The following TBC1D8 variants were observed in gnomAD, a reference collection of about 807,000 sequenced individuals.
TBC1D8 encodes TBC1 domain family member 8.
In TBC1D8, 65 loss-of-function variants were observed where a neutral mutation model predicts 118.8. The observed-to-expected ratio is 0.55, with a 90% CI of 0.45 to 0.67. The LOEUF (loss-of-function observed/expected upper bound fraction) is 0.67, where lower values mean the gene tolerates loss of function less well. TBC1D8 is among the 30% of genes least tolerant of loss of function. The pLI is 0.00. For missense variants in TBC1D8, 1,376 were observed against 1,471.2 expected (o/e 0.94, Z 1.06); for synonymous variants, 566 against 595.8 (o/e 0.95, Z 0.73).
chr2:101,039,428 G>A (rs1681240817), intron 6 of TBC1D8, among the ~76,000 whole-genome samples: 1 of 152,136 alleles, frequency 6.6e-6, no homozygotes, highest in East Asian at 1.9e-4. Context: ...GACCAGCCTG[G>A]GCAACACAGT....
chr2:101,032,589 G>A, intron 10 of TBC1D8: 1 of 517,820 alleles, frequency 1.9e-6, no homozygotes, highest in East Asian at 3.0e-5. Flanking sequence ...TGAGCGATCG[G>A]CCACCACTCA....
intron 2 of TBC1D8, among the ~76,000 whole-genome samples, chr2:101,088,161 T>G (rs1675759652): frequency 6.6e-6 from 1 of 152,196 alleles, no homozygotes; most frequent in Admixed American, 6.5e-5. Flanking sequence ...TCTAAATGTC[T>G]TAGAAAGTTA....
intron 15 of TBC1D8, among the ~76,000 whole-genome samples, chr2:101,027,111 C>T (rs932467833): frequency 6.6e-6 from 1 of 152,226 alleles, no homozygotes; most frequent in African/African-American, 2.4e-5. Flanking sequence ...GCCCTCCCAG[C>T]AGAGTGCAGC....
intron 2 of TBC1D8, among the ~76,000 whole-genome samples, chr2:101,081,524 A>C (rs548829265): frequency 6.6e-6 from 1 of 152,258 alleles, no homozygotes; most frequent in South Asian, 2.1e-4. Context: ...ACATCTGTAC[A>C]AAGGTTTGAC....
chr2:101,033,117 G>A (rs1338296178), intron 10 of TBC1D8, among the ~76,000 whole-genome samples: 4 of 124,500 alleles, frequency 3.2e-5, no homozygotes, highest in Admixed American at 8.9e-5. Context: ...TCAGGCACTC[G>A]GTAAATTTTT....
intron 1 of TBC1D8, among the ~76,000 whole-genome samples, chr2:101,149,049 A>C (rs1191959796): frequency 6.6e-6 from 1 of 152,182 alleles, no homozygotes; most frequent in Non-Finnish European, 1.5e-5. Context: ...GCTCAAAGGT[A>C]AAGTGTCTGG....
rs368538479 is a variant in TBC1D8, at chr2:101,033,583, C to T, written c.1779G>A (p.Thr593=). The T allele has an allele frequency of 1.2e-4, 198 of 1,613,682 alleles. 1 individual carries two copies. The highest frequency in any genetic ancestry group is 1.6e-4 in the Middle Eastern group (1 of 6,084). ...TGIAALRRVL[T]AYAHRNPKIG... is the part of the protein sequence containing the mutation. ...TCTTGGGGTTCCGGTGGGCATAGGC[C>T]GTCAAGACTCTCCTCAAAGCAGCAA... The change falls in exon 10 of 20, where the codon ACG becomes ACA. Residue 593 remains threonine, a synonymous_variant. Transcript: ENST00000409318.
chr2:101,054,325 G>A lies in TBC1D8; in HGVS notation c.414C>T (p.Ala138=), dbSNP rs557651761. The part of the protein sequence containing the change: ...FVKGKVKALI[A]EETSSRLAEQ... ...CGGCGAGCCTGCTGCTGGTCTCCTC[G>A]GCTATCAGAGCCTGACACACAGAGA... Residue 138 remains alanine (A), a synonymous_variant, in exon 4 of 20, where the codon GCC becomes GCT. Transcript: ENST00000409318. The A allele has an allele frequency of 5.0e-5, 78 of 1,561,380 alleles. No homozygotes were observed. The South Asian group carries it at 7.2e-4, about 14-fold the overall frequency.
chr2:101,073,287 T>C (rs1320091855), intron 2 of TBC1D8, among the ~76,000 whole-genome samples: 2 of 144,526 alleles, frequency 1.4e-5, no homozygotes, highest in Non-Finnish European at 3.0e-5. Flanking sequence ...TTTTATTTTA[T>C]TTTATTTTAT....
chr2:101,102,054 A>C (rs1244572584), intron 1 of TBC1D8, among the ~76,000 whole-genome samples: 2 of 79,980 alleles, frequency 2.5e-5, no homozygotes, highest in African/African-American at 4.9e-5. Flanking sequence ...AGTGGAGAGG[A>C]GGGGAGGGAA....
intron 1 of TBC1D8, among the ~76,000 whole-genome samples, chr2:101,118,345 C>G (rs1397694635): frequency 6.6e-6 from 1 of 152,166 alleles, no homozygotes; most frequent in African/African-American, 2.4e-5. Context: ...TGGAAAAGAG[C>G]AAGTCCAATT....
chr2:101,149,777 A>G (rs563606466), intron 1 of TBC1D8, among the ~76,000 whole-genome samples: 8 of 152,178 alleles, frequency 5.3e-5, no homozygotes, highest in African/African-American at 1.7e-4. Context: ...ACGGGGCCCA[A>G]CAAGGCCACT....
Position 101,150,391 on chromosome 2 carries a change from AC to A in TBC1D8, c.127+735del, listed in dbSNP as rs529028926. ...AAAAAGTCTAATTGTTCCTTCACTG[AC>A]CTTTAAACAGGTGTCCTAGCTACTG... is the stretch of plus-strand genomic sequence containing the variant. On this transcript the variant is annotated intron_variant, in intron 1 of 19. Transcript: ENST00000409318. Among the ~76,000 whole-genome samples the A allele has an allele frequency of 8.6e-4, 131 of 152,270 alleles. 1 individual carries two copies. The highest frequency in any genetic ancestry group is 3.1e-3 in the African/African-American group (128 of 41,540).
intron 1 of TBC1D8, among the ~76,000 whole-genome samples, chr2:101,105,592 T>TAAAAAAAAA (rs55649821): frequency 8.0e-6 from 1 of 124,688 alleles, no homozygotes; most frequent in Non-Finnish European, 1.7e-5. Flanking sequence ...TGTCTCAAAT[T>TAAAAAAAAA]AAAAAAAAAA....
At chr2:101,098,926 A>ATAGAAAG (rs1402795372) in intron 1 of TBC1D8, among the ~76,000 whole-genome samples, 2 of 152,090 alleles carry the variant, frequency 1.3e-5, no homozygotes, top group African/African-American at 4.8e-5. Context: ...ATCTCAAATC[A>ATAGAAAG]ATACCCTAAC....
chr2:101,008,319 G>T, intron 19 of TBC1D8, 46 bp from the exon 20 acceptor site: 1 of 1,431,692 alleles, frequency 7.0e-7, no homozygotes, highest in African/African-American at 1.4e-5. Flanking sequence ...CAGGGTGGAA[G>T]TGTCATTTTT....
At chr2:101,104,168 A>T (rs1677049345) in intron 1 of TBC1D8, among the ~76,000 whole-genome samples, 1 of 152,238 alleles carries the variant, frequency 6.6e-6, no homozygotes, top group Non-Finnish European at 1.5e-5. Context: ...ATAAATATGC[A>T]TAGGGTTTAT....
intron 4 of TBC1D8, among the ~76,000 whole-genome samples, 170 bp downstream of exon 4, chr2:101,053,938 T>C (rs1387220974): frequency 6.6e-6 from 1 of 152,216 alleles, no homozygotes; most frequent in Non-Finnish European, 1.5e-5. Context: ...ATTCTCCAGA[T>C]CTAATCCCCT....
intron 1 of TBC1D8, among the ~76,000 whole-genome samples, chr2:101,137,307 A>G (rs1014075409): frequency 2.7e-5 from 4 of 146,616 alleles, no homozygotes; most frequent in Admixed American, 2.7e-4. Flanking sequence ...TGCTGGGATT[A>G]CAGGCGTGAG....
Sources: allele counts gnomAD v4.1 joint callset (sites outside exome capture counted in the v4.1 genomes callset), GRCh38; gene constraint gnomAD v4.1.1; transcripts MANE v1.5; gene names NCBI Gene and HGNC (gene_info 2026-07-23, HGNC 2026-07-21).